Variants in ARMH3 observed in about 807,000 individuals in gnomAD.
ARMH3 encodes armadillo-like helical domain-containing protein 3.
In ARMH3, 60 loss-of-function variants were observed where a neutral mutation model predicts 99.1. The observed-to-expected ratio is 0.61, with a 90% CI of 0.49 to 0.75. The LOEUF is 0.75. Among genes scored for constraint, ARMH3 ranks in the 30% least tolerant of loss-of-function variants. The pLI is 0.00. For synonymous variants in ARMH3, 285 were observed against 292.8 expected, an observed-to-expected ratio of 0.97 and a Z score of 0.27; for missense variants, 679 against 843.1, an observed-to-expected ratio of 0.81 and a Z score of 2.41.
chr10:101,881,535 A>G (rs1295745350), intron 24 of ARMH3, among the ~76,000 whole-genome samples: 1 of 152,170 alleles, frequency 6.6e-6, no homozygotes. Context: ...TAAAACGGTA[A>G]GTAGTGACAT....
rs145242049 is a variant in ARMH3 at position 101,960,810 on chromosome 10, A to C, written c.1496-3078T>G. On this transcript the variant is annotated intron_variant, in intron 20 of 25. Coordinates refer to ENST00000370033, the MANE Select transcript of ARMH3 (RefSeq NM_024541.3). ...GAGGCTGAGGCAGGAGAATCGCTTGAACCTGGAAGGCGGAGTTTGCAGTGA... is the reference window on the plus strand; with the variant it reads ...GAGGCTGAGGCAGGAGAATCGCTTGCACCTGGAAGGCGGAGTTTGCAGTGA... 1.2e-3 allele frequency among the ~76,000 whole-genome samples: 183 copies of C among 151,622 alleles called. 1 individual carries two copies. The highest frequency in any genetic ancestry group is 4.2e-3 in the African/African-American group (174 of 41,312).
At chr10:101,909,866 T>C (rs1442905453) in intron 23 of ARMH3, among the ~76,000 whole-genome samples, 1 of 152,180 alleles carries the variant, frequency 6.6e-6, no homozygotes, top group African/African-American at 2.4e-5. Flanking sequence ...AATTAAAAAT[T>C]AAAATTAAAT....
chr10:101,857,303 C>G (rs984548077), intron 24 of ARMH3, among the ~76,000 whole-genome samples: 2 of 152,104 alleles, frequency 1.3e-5, no homozygotes, highest in African/African-American at 4.8e-5. Context: ...ACTAAAAATA[C>G]AAAAATTTGC....
chr10:102,024,379 A>G (rs1421100791), intron 6 of ARMH3, among the ~76,000 whole-genome samples: 1 of 150,204 alleles, frequency 6.7e-6, no homozygotes, highest in Non-Finnish European at 1.5e-5. Flanking sequence ...AACCCGGGAG[A>G]TGGTGGTTGC....
Position 102,033,050 on chromosome 10 carries a change from T to C in ARMH3, c.282A>G (p.Pro94=). 6.2e-7 allele frequency: 1 copy of C among 1,614,152 alleles called. No individual in the cohort carries two copies. The highest frequency in any genetic ancestry group is 8.5e-7 in the Non-Finnish European group (1 of 1,180,030). Residue 94 remains proline (P), a synonymous_variant, in exon 4 of 26, where the codon CCA becomes CCG. Transcript: ENST00000370033. Reference sequence around the variant, plus strand: ...CCTGCAATGCATTGACAACCCGAATTGGATGCTCCTCTCCCAGAGCCTGGA... The same window carrying C: ...CCTGCAATGCATTGACAACCCGAATCGGATGCTCCTCTCCCAGAGCCTGGA... ...HCIQALGEEH[P]IRVVNALQTL... is the part of the protein sequence containing the mutation.
At chr10:101,922,754 T>C (rs1843353348) in intron 23 of ARMH3, among the ~76,000 whole-genome samples, 1 of 152,204 alleles carries the variant, frequency 6.6e-6, no homozygotes, top group Non-Finnish European at 1.5e-5. Flanking sequence ...ACAAGAAAGA[T>C]GAAGTACATT....
chr10:101,937,923 ATCT>A (rs1414593909), intron 23 of ARMH3, among the ~76,000 whole-genome samples: 2 of 152,172 alleles, frequency 1.3e-5, no homozygotes, highest in African/African-American at 2.4e-5. Flanking sequence ...CAGTGGCATG[ATCT>A]TGGCTCACTG....
intron 5 of ARMH3, among the ~76,000 whole-genome samples, chr10:102,026,706 A>T: frequency 6.6e-6 from 1 of 152,190 alleles, no homozygotes; most frequent in East Asian, 1.9e-4. Context: ...AAAGTTTTAT[A>T]AGTCTAACTA....
At chr10:101,926,185 A>ATTATT (rs1843501506) in intron 23 of ARMH3, among the ~76,000 whole-genome samples, 1 of 152,006 alleles carries the variant, frequency 6.6e-6, no homozygotes, top group South Asian at 2.1e-4. Flanking sequence ...TTTATTTTTT[A>ATTATT]TTATTTTATT....
chr10:101,859,124 T>C (rs963521448), intron 24 of ARMH3, among the ~76,000 whole-genome samples: 6 of 152,162 alleles, frequency 3.9e-5, no homozygotes, highest in African/African-American at 1.4e-4. Context: ...TGTAAGGACA[T>C]AGAAGGTTGA....
At chr10:101,861,179 G>A (rs1248355044) in intron 24 of ARMH3, among the ~76,000 whole-genome samples, 1 of 152,058 alleles carries the variant, frequency 6.6e-6, no homozygotes, top group Admixed American at 6.6e-5. Context: ...AGTGTTAAAG[G>A]AAGAATAGTA....
chr10:102,049,313 G>A (rs766761327), intron 1 of ARMH3, among the ~76,000 whole-genome samples: 10 of 152,180 alleles, frequency 6.6e-5, no homozygotes, highest in East Asian at 1.9e-4. Context: ...AGGCTGAGGC[G>A]GGCGGATCAC....
At chr10:102,021,025 T>C (rs1017885952) in intron 8 of ARMH3, among the ~76,000 whole-genome samples, 7 of 152,096 alleles carry the variant, frequency 4.6e-5, no homozygotes, top group African/African-American at 1.2e-4. Context: ...TTCATGAAGA[T>C]CAACAACTAT....
At chr10:101,932,454 T>C (rs534713057) in intron 23 of ARMH3, among the ~76,000 whole-genome samples, 1 of 152,326 alleles carries the variant, frequency 6.6e-6, no homozygotes, top group South Asian at 2.1e-4. Flanking sequence ...CAAAGAGATT[T>C]ACATACACTC....
At chr10:101,944,803 G>C (rs1309826103) in intron 22 of ARMH3, among the ~76,000 whole-genome samples, 1 of 151,648 alleles carries the variant, frequency 6.6e-6, no homozygotes, top group Admixed American at 6.6e-5. Context: ...GACAGAGTGA[G>C]ACTCCATCTC....
At chr10:101,860,932 T>C (rs1268651996) in intron 24 of ARMH3, among the ~76,000 whole-genome samples, 1 of 152,132 alleles carries the variant, frequency 6.6e-6, no homozygotes, top group Non-Finnish European at 1.5e-5. Context: ...AAGTCCAATA[T>C]AATTTAAAGA....
intron 23 of ARMH3, among the ~76,000 whole-genome samples, chr10:101,916,724 G>T (rs889327423): frequency 7.9e-5 from 12 of 152,230 alleles, no homozygotes; most frequent in Admixed American, 2.6e-4. Flanking sequence ...AGACAGATTA[G>T]CATTTGAATC....
chr10:101,997,106 G>C (rs1590156648), intron 15 of ARMH3, among the ~76,000 whole-genome samples: 1 of 147,796 alleles, frequency 6.8e-6, no homozygotes, highest in Admixed American at 6.8e-5. Context: ...CTCTACTAAA[G>C]ATACAAAAAT....
chr10:101,974,943 T>G (rs897911078), intron 20 of ARMH3, among the ~76,000 whole-genome samples: 8 of 151,258 alleles, frequency 5.3e-5, no homozygotes, highest in African/African-American at 1.9e-4. Flanking sequence ...AATACTCAAT[T>G]GTTTTTACCA....
Sources: gnomAD v4.1 joint callset for allele counts (sites outside exome capture counted in the v4.1 genomes callset) on GRCh38, gnomAD v4.1.1 for gene constraint, MANE v1.5 for transcripts, NCBI Gene and HGNC (gene_info 2026-07-23, HGNC 2026-07-21) for gene names.